CNTNAP5: variants seen among roughly 807,000 people sequenced by gnomAD.
CNTNAP5 encodes contactin associated protein family member 5.
A neutral mutation model predicts 150.2 loss-of-function variants in CNTNAP5; 72 were observed. The observed-to-expected ratio is 0.48, with a 90% CI of 0.40 to 0.58. The LOEUF (loss-of-function observed/expected upper bound fraction) is 0.58, where lower values mean the gene tolerates loss of function less well. CNTNAP5 is among the 20% of genes least tolerant of loss of function. The pLI is 0.00. For synonymous variants in CNTNAP5, 672 were observed against 619.8 expected (o/e 1.08, Z -1.25); for missense variants, 1,636 against 1,626.2 (o/e 1.01, Z -0.10).
At chr2:124,411,281 C>T (rs950986612) in intron 3 of CNTNAP5, among the ~76,000 whole-genome samples, 9 of 152,120 alleles carry the variant, frequency 5.9e-5, no homozygotes, top group African/African-American at 2.4e-5. Flanking sequence ...GGATTCACAG[C>T]CAAATTCTAT....
At chr2:124,303,241 C>T (rs1688607505) in intron 3 of CNTNAP5, among the ~76,000 whole-genome samples, 1 of 152,106 alleles carries the variant, frequency 6.6e-6, no homozygotes, top group South Asian at 2.1e-4. Flanking sequence ...AGTATCACTC[C>T]CCTGAAGCTA....
At chr2:124,718,027 T>C (rs74389379) in intron 13 of CNTNAP5, among the ~76,000 whole-genome samples, 6,593 of 152,222 alleles carry the variant, frequency 0.043, 508 homozygotes, top group African/African-American at 0.15. Context: ...TTACATTAAT[T>C]ACAAGATGCT....
At chr2:124,908,586 C>T (rs1023961120) in intron 22 of CNTNAP5, among the ~76,000 whole-genome samples, 3 of 152,008 alleles carry the variant, frequency 2.0e-5, no homozygotes, top group South Asian at 2.1e-4. Flanking sequence ...CCTAGTACAA[C>T]GCCTTATCCA....
chr2:124,079,176 C>G (rs919372507), intron 1 of CNTNAP5, among the ~76,000 whole-genome samples: 1 of 152,120 alleles, frequency 6.6e-6, no homozygotes, highest in African/African-American at 2.4e-5. Context: ...ACACCTGTTA[C>G]GTTAGTCCAG....
intron 3 of CNTNAP5, among the ~76,000 whole-genome samples, chr2:124,269,198 T>A (rs182972106): frequency 4.8e-4 from 73 of 152,238 alleles, no homozygotes; most frequent in Non-Finnish European, 8.1e-4. Flanking sequence ...GTATTTTAAA[T>A]GAAAACCTAA....
At chr2:124,395,599 A>G (rs1354930946) in intron 3 of CNTNAP5, among the ~76,000 whole-genome samples, 2 of 152,126 alleles carry the variant, frequency 1.3e-5, no homozygotes, top group Non-Finnish European at 2.9e-5. Context: ...AACTAGCAAT[A>G]ACAGTAGTTA....
At chr2:124,507,483 C>G (rs748193913) in intron 8 of CNTNAP5, among the ~76,000 whole-genome samples, 3 of 151,938 alleles carry the variant, frequency 2.0e-5, no homozygotes, top group African/African-American at 7.3e-5. Flanking sequence ...ACAACAACAA[C>G]AAAACAGGTA....
chr2:124,321,387 G>A (rs964260494), intron 3 of CNTNAP5, among the ~76,000 whole-genome samples: 19 of 150,770 alleles, frequency 1.3e-4, no homozygotes, highest in Admixed American at 2.0e-4. Flanking sequence ...AGGTTGCAGT[G>A]AGCCAAGATT....
At chr2:124,796,947 A>G (rs946359815) in intron 18 of CNTNAP5, among the ~76,000 whole-genome samples, 3 of 152,222 alleles carry the variant, frequency 2.0e-5, no homozygotes, top group African/African-American at 7.2e-5. Flanking sequence ...ATCTAAGGAG[A>G]GTATCTCAGC....
At chr2:124,906,947 A>G (rs992355275) in intron 22 of CNTNAP5, among the ~76,000 whole-genome samples, 1 of 152,172 alleles carries the variant, frequency 6.6e-6, no homozygotes, top group African/African-American at 2.4e-5. Context: ...ATAACAAAAA[A>G]TAAGAAACAT....
chr2:124,575,827 A>T (rs563824549), intron 11 of CNTNAP5, among the ~76,000 whole-genome samples: 47 of 152,184 alleles, frequency 3.1e-4, no homozygotes, highest in Non-Finnish European at 5.1e-4. Context: ...TCTAATTTTC[A>T]AATTGTTGGC....
At chr2:124,839,447 C>G (rs1297631435) in intron 19 of CNTNAP5, among the ~76,000 whole-genome samples, 1 of 151,526 alleles carries the variant, frequency 6.6e-6, no homozygotes, top group Non-Finnish European at 1.5e-5. Flanking sequence ...CTCTCTCTCT[C>G]CCTTTCCCCC....
At chr2:124,747,086 T>G in intron 13 of CNTNAP5, 143 bp from the exon 14 acceptor site, 1 of 634,234 alleles carries the variant, frequency 1.6e-6, no homozygotes, top group Non-Finnish European at 2.5e-6. Flanking sequence ...AGGGGGGATG[T>G]GAGGGAGGGA....
intron 1 of CNTNAP5, among the ~76,000 whole-genome samples, chr2:124,160,279 A>G (rs1684644656): frequency 6.6e-6 from 1 of 152,186 alleles, no homozygotes; most frequent in Admixed American, 6.6e-5. Flanking sequence ...TCACTCTTTT[A>G]TAAGAGTCTG....
Position 124,173,846 on chromosome 2 carries a change from A to G in CNTNAP5, c.83-47859A>G, listed in dbSNP as rs186305491. On this transcript the variant is annotated intron_variant, in intron 1 of 23. Coordinates refer to ENST00000682447, the MANE Select transcript of CNTNAP5 (RefSeq NM_001367498.1). ...CTTTTGGAAGAGAATGTGATCTAGGACTTTCATAGCTAGAGAGGAGAAGTC... is the reference window on the plus strand; with the variant it reads ...CTTTTGGAAGAGAATGTGATCTAGGGCTTTCATAGCTAGAGAGGAGAAGTC... Among the ~76,000 whole-genome samples, 12 of 152,348 alleles carry G rather than the reference A, an allele frequency of 7.9e-5. 1 individual carries two copies. The highest frequency in any genetic ancestry group is 6.5e-4 in the Admixed American group (10 of 15,306).
rs754036978 is a variant in CNTNAP5 at position 124,747,321 on chromosome 2, G to A, written c.2170G>A (p.Gly724Ser). Reference sequence around the variant, plus strand: ...TCCTGGGGTCCAGCAGTGTGAGTGTGGCCTAGACGAGAGCTGCCTGGACAT... The same window carrying A: ...TCCTGGGGTCCAGCAGTGTGAGTGTAGCCTAGACGAGAGCTGCCTGGACAT... ...SPPGVQQCEC[G>S]LDESCLDIQH... Residue 724 changes from glycine (G) to serine (S), a missense_variant, in exon 14 of 24, where the codon GGC becomes AGC. Transcript: ENST00000682447. 1.9e-6 allele frequency: 3 copies of A among 1,613,818 alleles called. No individual in the cohort carries two copies. Among genetic ancestry groups the A allele is most frequent in the Non-Finnish European group, 8.5e-7 (1 of 1,179,792 alleles).
intron 4 of CNTNAP5, among the ~76,000 whole-genome samples, chr2:124,420,629 T>C (rs1413359946): frequency 6.6e-6 from 1 of 152,208 alleles, no homozygotes; most frequent in Non-Finnish European, 1.5e-5. Context: ...AAGGAGATTA[T>C]CCTAAGTAAT....
chr2:124,451,146 A>G (rs1692971778), intron 6 of CNTNAP5, among the ~76,000 whole-genome samples: 1 of 148,412 alleles, frequency 6.7e-6, no homozygotes, highest in African/African-American at 2.5e-5. Flanking sequence ...ATGTATATGC[A>G]CATACATATT....
At chr2:124,315,658 G>A (rs986793405) in intron 3 of CNTNAP5, among the ~76,000 whole-genome samples, 3 of 151,616 alleles carry the variant, frequency 2.0e-5, no homozygotes, top group East Asian at 2.0e-4. Context: ...CAAGGTGGTC[G>A]CCCCTCCTAC....
Sources: allele counts gnomAD v4.1 joint callset (sites outside exome capture counted in the v4.1 genomes callset), GRCh38; gene constraint gnomAD v4.1.1; transcripts MANE v1.5; gene names NCBI Gene and HGNC (gene_info 2026-07-23, HGNC 2026-07-21).